The following DOK5 variants were observed in gnomAD, a reference collection of about 807,000 sequenced individuals.
DOK5 encodes docking protein 5, also known as downstream of tyrosine kinase 5.
DOK5 carries 27 observed loss-of-function variants against 43.3 expected under a neutral mutation model. That is an observed-to-expected ratio of 0.62 (90% CI 0.46 to 0.86). DOK5 has a LOEUF of 0.86. DOK5 is among the 40% of genes least tolerant of loss of function. The pLI, the probability that DOK5 is intolerant of heterozygous loss-of-function variation, is 0.00. For missense variants in DOK5, 373 were observed against 392.9 expected, an observed-to-expected ratio of 0.95 and a Z score of 0.43; for synonymous variants, 146 against 140.1, an observed-to-expected ratio of 1.04 and a Z score of -0.30.
intron 6 of DOK5, among the ~76,000 whole-genome samples, chr20:54,620,550 CT>C (rs1986946724): frequency 2.0e-5 from 3 of 152,100 alleles, no homozygotes; most frequent in Non-Finnish European, 2.9e-5. Context: ...TTGTTTTCAT[CT>C]TTAAAGGAGC....
intron 6 of DOK5, among the ~76,000 whole-genome samples, chr20:54,637,937 A>AT (rs1978905913): frequency 6.6e-6 from 1 of 152,182 alleles, no homozygotes. Flanking sequence ...CGTGGCTAAC[A>AT]CGGTGAAACC....
chr20:54,496,221 C>T (rs542452730), intron 1 of DOK5, among the ~76,000 whole-genome samples: 4 of 152,230 alleles, frequency 2.6e-5, no homozygotes, highest in Admixed American at 6.5e-5. Flanking sequence ...CTAGGGAATT[C>T]GATCTTGATT....
chr20:54,488,204 T>A (rs988957194), intron 1 of DOK5, among the ~76,000 whole-genome samples: 1 of 152,208 alleles, frequency 6.6e-6, no homozygotes, highest in African/African-American at 2.4e-5. Flanking sequence ...ACGAACGTAG[T>A]CTAGTCTTCA....
intron 6 of DOK5, among the ~76,000 whole-genome samples, chr20:54,618,823 A>G (rs1240347593): frequency 6.6e-6 from 1 of 151,476 alleles, no homozygotes; most frequent in African/African-American, 2.4e-5. Context: ...TTAGAGACCA[A>G]CCTGGGAAAC....
At chr20:54,520,408 T>C in intron 1 of DOK5, among the ~76,000 whole-genome samples, 1 of 152,186 alleles carries the variant, frequency 6.6e-6, no homozygotes, top group East Asian at 1.9e-4. Flanking sequence ...CTAACTTGTT[T>C]CCTTTTCTAC....
At chr20:54,544,048 G>A (rs536775399) in intron 1 of DOK5, among the ~76,000 whole-genome samples, 2 of 152,254 alleles carry the variant, frequency 1.3e-5, no homozygotes, top group South Asian at 4.1e-4. Context: ...ACCAGGAAAG[G>A]GTTGGCTTAG....
At chr20:54,552,751 A>G (rs545806841) in intron 1 of DOK5, among the ~76,000 whole-genome samples, 9 of 152,310 alleles carry the variant, frequency 5.9e-5, no homozygotes, top group South Asian at 4.1e-4. Context: ...TCAGACACAT[A>G]TCTTAGCTTC....
At chr20:54,496,753 A>C (rs1436791512) in intron 1 of DOK5, among the ~76,000 whole-genome samples, 1 of 144,918 alleles carries the variant, frequency 6.9e-6, no homozygotes, top group African/African-American at 2.7e-5. Context: ...GCGACAGAGC[A>C]AGACTCCGTC....
intron 2 of DOK5, 77 bp from the exon 3 acceptor site, chr20:54,588,406 C>A: frequency 8.4e-7 from 1 of 1,194,706 alleles, no homozygotes; most frequent in Non-Finnish European, 1.2e-6. Flanking sequence ...TACTGATTTC[C>A]GGGCCTCACC....
At chr20:54,557,149 C>A (rs76649898) in intron 2 of DOK5, among the ~76,000 whole-genome samples, 1 of 152,126 alleles carries the variant, frequency 6.6e-6, no homozygotes, top group East Asian at 1.9e-4. Context: ...GTTCGAAACA[C>A]TTATATCACA....
chr20:54,619,182 A>G (rs1986910180), intron 6 of DOK5, among the ~76,000 whole-genome samples: 1 of 146,888 alleles, frequency 6.8e-6, no homozygotes, highest in East Asian at 2.0e-4. Context: ...TAAAAATTCA[A>G]TGCATTGTTA....
intron 1 of DOK5, among the ~76,000 whole-genome samples, chr20:54,499,320 C>T (rs1982508313): frequency 6.6e-6 from 1 of 152,174 alleles, no homozygotes; most frequent in Non-Finnish European, 1.5e-5. Context: ...GAAACTCAGG[C>T]TCCAAGAATT....
chr20:54,550,375 C>G (rs1161227670), intron 1 of DOK5, among the ~76,000 whole-genome samples: 2 of 152,192 alleles, frequency 1.3e-5, no homozygotes, highest in East Asian at 3.8e-4. Context: ...ATACCCTCTA[C>G]TCAGTTTCTC....
At chr20:54,515,734 G>C (rs1434200357) in intron 1 of DOK5, among the ~76,000 whole-genome samples, 1 of 152,116 alleles carries the variant, frequency 6.6e-6, no homozygotes, top group Non-Finnish European at 1.5e-5. Flanking sequence ...TTTTGTATTG[G>C]TTACCAATGA....
At chr20:54,518,135 T>C (rs1182672340) in intron 1 of DOK5, among the ~76,000 whole-genome samples, 1 of 152,174 alleles carries the variant, frequency 6.6e-6, no homozygotes, top group African/African-American at 2.4e-5. Context: ...TTTTTCTTTT[T>C]TATTATACTT....
intron 6 of DOK5, among the ~76,000 whole-genome samples, chr20:54,642,297 A>C (rs1218818247): frequency 6.6e-6 from 1 of 152,118 alleles, no homozygotes; most frequent in Non-Finnish European, 1.5e-5. Context: ...AAGCCATTTC[A>C]TCTTTTTTCC....
chr20:54,536,281 T>C (rs536886263), intron 1 of DOK5, among the ~76,000 whole-genome samples: 1 of 152,320 alleles, frequency 6.6e-6, no homozygotes, highest in African/African-American at 2.4e-5. Flanking sequence ...AGTGCATCAG[T>C]GGCCTTAGTC....
intron 1 of DOK5, among the ~76,000 whole-genome samples, chr20:54,511,927 A>G (rs537853465): frequency 1.3e-5 from 2 of 152,338 alleles, no homozygotes; most frequent in African/African-American, 4.8e-5. Flanking sequence ...ATTAGGTCCC[A>G]TGTCCACCAT....
Position 54,612,616 on chromosome 20 carries a change from A to G in DOK5, c.735+2093A>G, listed in dbSNP as rs6098115. Among the ~76,000 whole-genome samples, 1,253 of 152,306 alleles carry G rather than the reference A, an allele frequency of 8.2e-3. 19 individuals are homozygous for G. Among genetic ancestry groups the G allele is most frequent in the African/African-American group, 0.029 (1,197 of 41,564 alleles). Reference sequence around the variant, plus strand: ...AGAATTAGCTCTCTTTGTGGTCTTGAGTTGGGACATTGGTCTCCTTTGGCC... The same window carrying G: ...AGAATTAGCTCTCTTTGTGGTCTTGGGTTGGGACATTGGTCTCCTTTGGCC... On this transcript the variant is annotated intron_variant, in intron 6 of 7. Coordinates refer to ENST00000262593, the MANE Select transcript of DOK5 (RefSeq NM_018431.5).
Sources: allele counts gnomAD v4.1 joint callset (sites outside exome capture counted in the v4.1 genomes callset), GRCh38; gene constraint gnomAD v4.1.1; transcripts MANE v1.5; gene names NCBI Gene and HGNC (gene_info 2026-07-23, HGNC 2026-07-21).